LY75: variants seen among roughly 807,000 people sequenced by gnomAD.
LY75 encodes the protein lymphocyte antigen 75, also known as C-type lectin domain family 13 member B.
Under a neutral mutation model 231.7 loss-of-function variants are expected in LY75, and 185 were observed. The observed-to-expected ratio is 0.80, with a 90% CI of 0.71 to 0.90. LY75 has a LOEUF of 0.90. Ranked by LOEUF, LY75 falls within the 40% of genes least tolerant of loss-of-function variation. The probability of loss-of-function intolerance (pLI) is 0.00; values close to 1 mark genes in which losing one functional copy is unlikely to be tolerated. For missense variants in LY75, 1,947 were observed against 2,050.2 expected, an observed-to-expected ratio of 0.95 and a Z score of 0.97; for synonymous variants, 668 against 689.0, an observed-to-expected ratio of 0.97 and a Z score of 0.48.
At chr2:159,829,871 A>G (rs1166004480) in intron 28 of LY75, among the ~76,000 whole-genome samples, 1 of 152,230 alleles carries the variant, frequency 6.6e-6, no homozygotes, top group African/African-American at 2.4e-5. Context: ...CAGAATTTAT[A>G]ATAGATTTTC....
intron 11 of LY75, among the ~76,000 whole-genome samples, chr2:159,877,745 T>C (rs988257335): frequency 1.3e-5 from 2 of 152,030 alleles, no homozygotes; most frequent in Non-Finnish European, 2.9e-5. Flanking sequence ...GGCATGCACC[T>C]GTAATCCCAG....
intron 8 of LY75, among the ~76,000 whole-genome samples, chr2:159,880,366 T>C (rs535785908): frequency 3.9e-5 from 6 of 152,374 alleles, no homozygotes; most frequent in African/African-American, 1.4e-4. Flanking sequence ...ACCATTTTTT[T>C]ACTTCTCAAA....
At chr2:159,843,943 T>A (rs1250622237) in intron 23 of LY75, among the ~76,000 whole-genome samples, 1 of 152,148 alleles carries the variant, frequency 6.6e-6, no homozygotes, top group Non-Finnish European at 1.5e-5. Context: ...ATGAGTCAAT[T>A]ATAAATAAGG....
At chr2:159,814,214 G>A (rs933526592) in intron 31 of LY75, among the ~76,000 whole-genome samples, 1 of 152,172 alleles carries the variant, frequency 6.6e-6, no homozygotes, top group East Asian at 1.9e-4. Flanking sequence ...CTTCCTCAAG[G>A]TTCATGCTTT....
At chr2:159,862,505 A>G (rs1249723240) in intron 14 of LY75, among the ~76,000 whole-genome samples, 1 of 152,108 alleles carries the variant, frequency 6.6e-6, no homozygotes, top group African/African-American at 2.4e-5. Context: ...TACTATATTT[A>G]TAGCTTTACA....
chr2:159,857,919 G>A (rs1011602822), intron 16 of LY75, among the ~76,000 whole-genome samples: 3 of 151,990 alleles, frequency 2.0e-5, no homozygotes, highest in East Asian at 1.9e-4. Flanking sequence ...TAAAGTATTA[G>A]CAGTTTTATA....
chr2:159,880,816 T>C (rs1025186585), intron 8 of LY75, among the ~76,000 whole-genome samples: 5 of 152,166 alleles, frequency 3.3e-5, no homozygotes, highest in Non-Finnish European at 5.9e-5. Context: ...CAGTTCATAA[T>C]AGGGTTCACC....
At chr2:159,807,901 T>C (rs1241339047) in intron 33 of LY75, 2 of 985,126 alleles carry the variant, frequency 2.0e-6, no homozygotes, top group Non-Finnish European at 2.4e-6. Context: ...TTATCTGCAA[T>C]TTTATAGGTT....
chr2:159,864,549 T>C (rs929464580), intron 14 of LY75, among the ~76,000 whole-genome samples: 6 of 152,194 alleles, frequency 3.9e-5, no homozygotes, highest in African/African-American at 1.4e-4. Context: ...CAGTTGGCTA[T>C]AAATATATGG....
At chr2:159,890,084 T>C (rs1574597168) in intron 4 of LY75, 129 bp downstream of exon 4, 1 of 1,223,700 alleles carries the variant, frequency 8.2e-7, no homozygotes, top group South Asian at 1.6e-5. Context: ...GGTTTCAGTG[T>C]AGAAGTTTAA....
intron 12 of LY75, among the ~76,000 whole-genome samples, chr2:159,873,502 C>T (rs1685079652): frequency 6.6e-6 from 1 of 152,140 alleles, no homozygotes; most frequent in Non-Finnish European, 1.5e-5. Context: ...GAAGGAAGGG[C>T]TGGAGCCCAG....
chr2:159,900,405 G>C (rs979470609), intron 1 of LY75, among the ~76,000 whole-genome samples: 42 of 152,230 alleles, frequency 2.8e-4, no homozygotes, highest in African/African-American at 8.9e-4. Flanking sequence ...ATGTTGATAA[G>C]AGTAAAGCTG....
intron 2 of LY75, among the ~76,000 whole-genome samples, chr2:159,894,752 C>T (rs936435820): frequency 5.3e-5 from 8 of 152,142 alleles, no homozygotes; most frequent in African/African-American, 7.2e-5. Flanking sequence ...GTCATGTGAC[C>T]GGCGGGGGGC....
chr2:159,892,269 C>T (rs112475758), intron 3 of LY75, among the ~76,000 whole-genome samples: 77 of 152,318 alleles, frequency 5.1e-4, no homozygotes, highest in African/African-American at 1.7e-3. Context: ...CTCACATTCC[C>T]GAAGGAGGGA....
chr2:159,901,560 T>C (rs1412180214), intron 1 of LY75, among the ~76,000 whole-genome samples: 1 of 152,208 alleles, frequency 6.6e-6, no homozygotes, highest in African/African-American at 2.4e-5. Context: ...GTTCTGGATT[T>C]TTCAAAATTT....
At position 159,875,475 on chromosome 2, in the gene LY75, T is replaced by C. The variant is rs1225035849; in HGVS notation, c.1943A>G (p.Gln648Arg). 6.2e-7 allele frequency: 1 copy of C among 1,613,746 alleles called. No individual in the cohort carries two copies. The change falls in exon 12 of 35, where the codon CAG becomes CGG. Residue 648 changes from glutamine to arginine, a missense_variant. Transcript: ENST00000263636. ...KPDDPCPEGW[Q>R]SFPASLSCYK... ...ACAAGAAAGACTTGCGGGGAAACTC[T>C]GCCAGCCTTCAGGACAGGGGTCATC... is the stretch of plus-strand genomic sequence containing the variant.
intron 33 of LY75, chr2:159,807,721 CA>C: frequency 1.0e-6 from 1 of 954,378 alleles, no homozygotes; most frequent in Non-Finnish European, 1.2e-6. Flanking sequence ...AAGTACTTAA[CA>C]TTTTAAAATT....
intron 15 of LY75, among the ~76,000 whole-genome samples, chr2:159,858,917 C>A (rs1422780644): frequency 2.0e-5 from 3 of 152,146 alleles, no homozygotes; most frequent in Non-Finnish European, 4.4e-5. Flanking sequence ...TTCCAGTCAG[C>A]AAGTAGGATA....
At position 159,882,260 on chromosome 2, in the gene LY75, T is replaced by A; in HGVS notation, c.1110A>T (p.Gly370=). The change falls in exon 7 of 35, where the codon GGA becomes GGT. Residue 370 remains glycine, a synonymous_variant. Transcript: ENST00000263636. The part of the protein sequence containing the change: ...RCDAGWLPNN[G]FCYLLVNESN... ...TTTCATTTACCAGCAGATAGCAAAA[T>A]CCATTATTTGGCAGCCAGCCTGCAT... The A allele has an allele frequency of 6.2e-7, 1 of 1,613,890 alleles. No individual in the cohort carries two copies. The highest frequency in any genetic ancestry group is 8.5e-7 in the Non-Finnish European group (1 of 1,179,902).
Sources: allele counts gnomAD v4.1 joint callset (sites outside exome capture counted in the v4.1 genomes callset), GRCh38; gene constraint gnomAD v4.1.1; transcripts MANE v1.5; gene names NCBI Gene and HGNC (gene_info 2026-07-23, HGNC 2026-07-21).